Variants in SHC3 observed in about 807,000 individuals in gnomAD.
SHC3 encodes SHC adaptor protein 3, also known as SHC-transforming protein 3.
SHC3 carries 15 observed loss-of-function variants against 60.4 expected under a neutral mutation model. The observed-to-expected ratio is 0.25, with a 90% CI of 0.17 to 0.38. The LOEUF (loss-of-function observed/expected upper bound fraction) is 0.38. Ranked by LOEUF, SHC3 falls within the 10% of genes least tolerant of loss-of-function variation. The pLI is 1.00. For synonymous variants in SHC3, 294 were observed against 325.9 expected, an observed-to-expected ratio of 0.90 and a Z score of 1.05; for missense variants, 677 against 786.1, an observed-to-expected ratio of 0.86 and a Z score of 1.66.
At chr9:89,074,691 C>CAAAAAAAAAAGAAAAAAAAA (rs1825326788) in intron 4 of SHC3, among the ~76,000 whole-genome samples, 1 of 59,926 alleles carries the variant, frequency 1.7e-5, no homozygotes, top group African/African-American at 6.9e-5. Context: ...GCCACTAAAG[C>CAAAAAAAAAAGAAAAAAAAA]AAAAAAAAAA....
intron 1 of SHC3, among the ~76,000 whole-genome samples, chr9:89,166,624 C>T (rs888207983): frequency 1.3e-4 from 20 of 152,014 alleles, no homozygotes; most frequent in Non-Finnish European, 2.4e-4. Context: ...AGATTTCATA[C>T]GAGGGGGCAC....
At chr9:89,149,386 A>T (rs1733993252) in intron 1 of SHC3, among the ~76,000 whole-genome samples, 1 of 152,196 alleles carries the variant, frequency 6.6e-6, no homozygotes, top group Non-Finnish European at 1.5e-5. Context: ...TGCTTCAGAA[A>T]TTACATTTTA....
At chr9:89,088,088 C>A (rs1398202039) in intron 2 of SHC3, among the ~76,000 whole-genome samples, 1 of 152,170 alleles carries the variant, frequency 6.6e-6, no homozygotes, top group African/African-American at 2.4e-5. Context: ...GATTCTGGCA[C>A]CTTTTAGGGT....
At chr9:89,049,574 A>G (rs557011756) in intron 7 of SHC3, among the ~76,000 whole-genome samples, 1 of 152,350 alleles carries the variant, frequency 6.6e-6, no homozygotes, top group South Asian at 2.1e-4. Context: ...AAATATACTT[A>G]TGCATCCCCC....
chr9:89,174,647 A>G (rs1826916728), intron 1 of SHC3, among the ~76,000 whole-genome samples: 1 of 152,152 alleles, frequency 6.6e-6, no homozygotes, highest in South Asian at 2.1e-4. Flanking sequence ...ATCCTTTTGA[A>G]GTCTGTGCTG....
At chr9:89,095,463 G>T (rs1274871448) in intron 2 of SHC3, among the ~76,000 whole-genome samples, 1 of 152,196 alleles carries the variant, frequency 6.6e-6, no homozygotes, top group Non-Finnish European at 1.5e-5. Context: ...GGAGGGGGAA[G>T]TGGGGAGTTG....
At chr9:89,067,773 G>A (rs1825207289) in intron 5 of SHC3, among the ~76,000 whole-genome samples, 1 of 152,112 alleles carries the variant, frequency 6.6e-6, no homozygotes, top group Non-Finnish European at 1.5e-5. Context: ...GTCCATCATA[G>A]CAAAGTAATA....
intron 1 of SHC3, among the ~76,000 whole-genome samples, chr9:89,133,642 T>TATGC (rs1826280580): frequency 6.6e-6 from 1 of 152,160 alleles, no homozygotes; most frequent in African/African-American, 2.4e-5. Flanking sequence ...ACCATCATTC[T>TATGC]GAGCAAACTA....
At chr9:89,035,947 A>G (rs945122848) in intron 11 of SHC3, among the ~76,000 whole-genome samples, 7 of 151,002 alleles carry the variant, frequency 4.6e-5, no homozygotes, top group Non-Finnish European at 5.9e-5. Context: ...ATTAAAGTCT[A>G]CATGTGAAAG....
chr9:89,054,865 T>C (rs546266060), intron 6 of SHC3, among the ~76,000 whole-genome samples: 3 of 152,236 alleles, frequency 2.0e-5, no homozygotes, highest in Non-Finnish European at 4.4e-5. Context: ...GCAGGGATCC[T>C]TTGCTGACAC....
chr9:89,135,202 G>C (rs934878790), intron 1 of SHC3, among the ~76,000 whole-genome samples: 1 of 152,054 alleles, frequency 6.6e-6, no homozygotes, highest in Admixed American at 6.6e-5. Context: ...AATCAAACTT[G>C]ACTTGTAGAG....
intron 1 of SHC3, among the ~76,000 whole-genome samples, chr9:89,169,600 T>C (rs988750257): frequency 7.9e-5 from 12 of 152,136 alleles, no homozygotes; most frequent in African/African-American, 2.7e-4. Flanking sequence ...TCCAGGCCAC[T>C]GCTTGACCCA....
chr9:89,172,632 A>G (rs1304506221), intron 1 of SHC3, among the ~76,000 whole-genome samples: 2 of 151,962 alleles, frequency 1.3e-5, no homozygotes, highest in South Asian at 2.1e-4. Flanking sequence ...CCCACTCAGT[A>G]GGCTGTTCCT....
chr9:89,138,850 G>C (rs1260735372), intron 1 of SHC3, among the ~76,000 whole-genome samples: 1 of 152,138 alleles, frequency 6.6e-6, no homozygotes, highest in Non-Finnish European at 1.5e-5. Context: ...GGCATAGAAA[G>C]GAGCTCTGTC....
intron 6 of SHC3, among the ~76,000 whole-genome samples, chr9:89,064,816 C>T (rs2117976785): frequency 6.6e-6 from 1 of 152,236 alleles, no homozygotes. Flanking sequence ...TACGGATAAG[C>T]ATTATGCAAA....
intron 1 of SHC3, among the ~76,000 whole-genome samples, chr9:89,131,034 G>A (rs1323549833): frequency 6.6e-6 from 1 of 152,038 alleles, no homozygotes; most frequent in Non-Finnish European, 1.5e-5. Context: ...GAAGAAAAGA[G>A]AGAACAATCA....
chr9:89,052,009 T>C (rs1440338048), intron 7 of SHC3, 28 bp downstream of exon 7: 4 of 1,611,164 alleles, frequency 2.5e-6, no homozygotes, highest in Non-Finnish European at 1.7e-6. Flanking sequence ...ACATAGGCTA[T>C]TGCAAATGGT....
In SHC3 at chr9:89,178,421, A is replaced by G; in HGVS notation, c.40T>C (p.Ser14Pro). The G allele has an allele frequency of 6.5e-7, 1 of 1,530,656 alleles. No individual in the cohort carries two copies. Among genetic ancestry groups the G allele is most frequent in the Non-Finnish European group, 8.8e-7 (1 of 1,137,562 alleles). 94.8% of individuals were successfully genotyped at this position (1,530,656 alleles called of 1,614,324 possible). A position where few individuals can be genotyped will look rare whatever the true frequency, so the allele number is the denominator to read the frequency against. ...RTKYNRFRND[S>P]VTSVDDLLHS... is the part of the protein sequence containing the mutation. ...AGAAGGTCATCGACCGATGTCACCG[A>G]GTCATTCCTGAAGCGGTTATACTTG... The change falls in exon 1 of 12, where the codon TCG becomes CCG. Residue 14 changes from serine (S) to proline (P), a missense_variant. Physicochemically the swap from Ser to Pro is moderately conservative, Grantham distance 74 (BLOSUM62 -1). Coordinates refer to ENST00000375835, the MANE Select transcript of SHC3 (RefSeq NM_016848.6). This position sits in a 1 kb window ranked among gnomAD's most constrained non-coding sequence, Gnocchi z 6.9.
chr9:89,112,363 T>C (rs965590171), intron 2 of SHC3, among the ~76,000 whole-genome samples, 193 bp downstream of exon 2: 17 of 152,174 alleles, frequency 1.1e-4, no homozygotes, highest in African/African-American at 4.1e-4. Context: ...CAAGGTACTT[T>C]GGTTGAGAGA....
Sources: allele counts gnomAD v4.1 joint callset (sites outside exome capture counted in the v4.1 genomes callset), GRCh38; gene constraint gnomAD v4.1.1; non-coding constraint Gnocchi (gnomAD v3.1); transcripts MANE v1.5; gene names NCBI Gene and HGNC (gene_info 2026-07-23, HGNC 2026-07-21).